RBFOX1: variants seen among roughly 807,000 people sequenced by gnomAD.
RBFOX1 encodes the protein RNA binding fox-1 homolog 1, also known as RNA binding protein fox-1 homolog 1.
In RBFOX1, 8 loss-of-function variants were observed where a neutral mutation model predicts 57.7. The ratio of observed to expected loss-of-function variants is 0.14; its 90% CI spans 0.08 to 0.25. The LOEUF is 0.25. Ranked by LOEUF, RBFOX1 falls within the 10% of genes least tolerant of loss-of-function variation. The pLI is 1.00. For synonymous variants in RBFOX1, 326 were observed against 222.4 expected, an observed-to-expected ratio of 1.47 and a Z score of -4.15; for missense variants, 611 against 548.5, an observed-to-expected ratio of 1.11 and a Z score of -1.14.
intron 3 of RBFOX1, among the ~76,000 whole-genome samples, chr16:6,902,768 C>T (rs2068799345): frequency 1.3e-5 from 2 of 152,086 alleles, no homozygotes; most frequent in East Asian, 3.9e-4. Context: ...TTTAAAGGAA[C>T]CCTTCAACTC....
chr16:5,432,559 G>GTTTTTTTTTTTTTTTTTTGTT (rs35344614), intron 1 of RBFOX1, among the ~76,000 whole-genome samples: 2 of 94,222 alleles, frequency 2.1e-5, no homozygotes, highest in African/African-American at 8.0e-5. Context: ...TTGTTTGTTT[G>GTTTTTTTTTTTTTTTTTTGTT]TTTTTTTTTT....
rs535292703 is a variant in RBFOX1 at position 7,420,251 on chromosome 16, G to A, written c.28-97896G>A. 5.5e-4 allele frequency among the ~76,000 whole-genome samples: 83 copies of A among 152,208 alleles called. 1 individual carries two copies. Among genetic ancestry groups the A allele is most frequent in the Admixed American group, 9.2e-4 (14 of 15,292 alleles). On this transcript the variant is annotated intron_variant, in intron 4 of 15. Coordinates refer to ENST00000550418, the MANE Select transcript of RBFOX1 (RefSeq NM_018723.4). Reference sequence around the variant, plus strand: ...GGAAATTCTCAGCAGATTGTAAATAGCCTCTCGTCCTATTAGATTTTAAGG... The same window carrying A: ...GGAAATTCTCAGCAGATTGTAAATAACCTCTCGTCCTATTAGATTTTAAGG...
At chr16:7,650,267 C>T (rs1292482142) in intron 11 of RBFOX1, among the ~76,000 whole-genome samples, 1 of 151,650 alleles carries the variant, frequency 6.6e-6, no homozygotes, top group Non-Finnish European at 1.5e-5. Context: ...TCCTCCAGCC[C>T]TTTCTCCATG....
intron 2 of RBFOX1, among the ~76,000 whole-genome samples, chr16:6,537,735 G>T (rs2096754845): frequency 6.6e-6 from 1 of 152,128 alleles, no homozygotes; most frequent in Admixed American, 6.5e-5. Flanking sequence ...AGGTTTTATA[G>T]CAGATAAGAG....
At chr16:7,015,114 G>A (rs1189842986) in intron 3 of RBFOX1, among the ~76,000 whole-genome samples, 1 of 152,214 alleles carries the variant, frequency 6.6e-6, no homozygotes, top group African/African-American at 2.4e-5. Flanking sequence ...GTCTGAGACA[G>A]AGTTAAGGGT....
chr16:7,474,855 C>A (rs1310345228), intron 4 of RBFOX1, among the ~76,000 whole-genome samples: 1 of 152,208 alleles, frequency 6.6e-6, no homozygotes, highest in African/African-American at 2.4e-5. Flanking sequence ...TTGGCTGTTA[C>A]TGTGAATGCC....
chr16:6,506,385 G>A (rs1190787739), intron 2 of RBFOX1, among the ~76,000 whole-genome samples: 1 of 152,118 alleles, frequency 6.6e-6, no homozygotes, highest in Non-Finnish European at 1.5e-5. Context: ...CAGCTTGGGT[G>A]AAGGCAGAAC....
chr16:6,090,864 G>T (rs765926363), intron 1 of RBFOX1, among the ~76,000 whole-genome samples: 6 of 152,188 alleles, frequency 3.9e-5, no homozygotes, highest in Non-Finnish European at 8.8e-5. Context: ...GGGGTGCACA[G>T]TTGGTCACTA....
intron 2 of RBFOX1, among the ~76,000 whole-genome samples, chr16:5,594,018 T>A (rs938318724): frequency 4.6e-5 from 7 of 151,968 alleles, no homozygotes; most frequent in African/African-American, 1.7e-4. Context: ...CCATTGTTCA[T>A]GAGGCTTTGG....
intron 4 of RBFOX1, among the ~76,000 whole-genome samples, chr16:7,303,596 A>G (rs1325345743): frequency 6.6e-6 from 1 of 152,228 alleles, no homozygotes; most frequent in Non-Finnish European, 1.5e-5. Context: ...ATTTTTAAAA[A>G]AAGCGAAGGG....
At chr16:6,593,293 A>C (rs887662045) in intron 2 of RBFOX1, among the ~76,000 whole-genome samples, 2 of 152,198 alleles carry the variant, frequency 1.3e-5, no homozygotes, top group South Asian at 4.1e-4. Context: ...GTATTGCTCA[A>C]TACAGGGTGT....
At chr16:5,448,500 A>G (rs368398517) in intron 1 of RBFOX1, among the ~76,000 whole-genome samples, 7 of 152,314 alleles carry the variant, frequency 4.6e-5, no homozygotes, top group African/African-American at 1.7e-4. Flanking sequence ...CTTACAAAGA[A>G]ATCTTCTCAC....
chr16:6,738,982 C>T (rs60793985), intron 3 of RBFOX1, among the ~76,000 whole-genome samples: 14,702 of 152,052 alleles, frequency 0.097, 948 homozygotes, highest in African/African-American at 0.17. Flanking sequence ...GTGTCGCAGC[C>T]AAAGCAGTCA....
intron 2 of RBFOX1, among the ~76,000 whole-genome samples, chr16:6,523,356 G>T (rs749834042): frequency 6.6e-6 from 1 of 152,148 alleles, no homozygotes; most frequent in Non-Finnish European, 1.5e-5. Flanking sequence ...ATGGTTTGGT[G>T]TGGGGCTGAG....
chr16:6,354,371 G>A (rs1046356906), intron 2 of RBFOX1, among the ~76,000 whole-genome samples: 28 of 152,184 alleles, frequency 1.8e-4, no homozygotes, highest in African/African-American at 6.0e-4. Flanking sequence ...CCCTATCTTC[G>A]TTTCTTTGTC....
intron 5 of RBFOX1, among the ~76,000 whole-genome samples, chr16:7,521,197 G>C (rs1295719819): frequency 6.6e-6 from 1 of 152,216 alleles, no homozygotes; most frequent in Non-Finnish European, 1.5e-5. Flanking sequence ...CTTAAAGTTG[G>C]AAAGATCTGG....
intron 4 of RBFOX1, among the ~76,000 whole-genome samples, chr16:7,331,860 C>T (rs2096702182): frequency 6.6e-6 from 1 of 152,038 alleles, no homozygotes; most frequent in African/African-American, 2.4e-5. Flanking sequence ...AGGAATTTAT[C>T]TGCTCCTATG....
In RBFOX1 at chr16:6,271,187, G is replaced by A. The variant is rs775369604; in HGVS notation, c.-126-45808G>A. Among the ~76,000 whole-genome samples, 81 of 152,178 alleles carry A rather than the reference G, an allele frequency of 5.3e-4. 2 individuals carry two copies. The highest frequency in any genetic ancestry group is 1.6e-4 in the Non-Finnish European group (11 of 68,020). On this transcript the variant is annotated intron_variant, in intron 1 of 15. Coordinates refer to ENST00000550418, the MANE Select transcript of RBFOX1 (RefSeq NM_018723.4). ...ACTTGCAATCCCAGCACTTTGGGAGGCCGAGGTGGGCAGATCACTAGAGGT... is the reference window on the plus strand; with the variant it reads ...ACTTGCAATCCCAGCACTTTGGGAGACCGAGGTGGGCAGATCACTAGAGGT...
intron 2 of RBFOX1, among the ~76,000 whole-genome samples, chr16:6,513,715 C>G (rs966002165): frequency 3.3e-5 from 5 of 151,820 alleles, no homozygotes; most frequent in African/African-American, 4.8e-5. Flanking sequence ...GCCTGGGGGA[C>G]AAGAGTGAGA....
Sources: gnomAD v4.1 joint callset for allele counts (sites outside exome capture counted in the v4.1 genomes callset) on GRCh38, gnomAD v4.1.1 for gene constraint, MANE v1.5 for transcripts, NCBI Gene and HGNC (gene_info 2026-07-23, HGNC 2026-07-21) for gene names.